The following ENTHD1 variants were observed in gnomAD, a reference collection of about 807,000 sequenced individuals.
The protein encoded by ENTHD1 is ENTH domain-containing protein 1.
In ENTHD1, 23 loss-of-function variants were observed where a neutral mutation model predicts 39.1. The observed-to-expected ratio is 0.59, with a 90% confidence interval of 0.42 to 0.83. ENTHD1 has a LOEUF of 0.83. Among genes scored for constraint, ENTHD1 ranks in the 40% least tolerant of loss-of-function variants. ENTHD1 has a pLI of 0.00. For missense variants in ENTHD1, 624 were observed against 705.4 expected (o/e 0.88, Z 1.31); for synonymous variants, 230 against 258.2 (o/e 0.89, Z 1.05).
chr22:39,797,164 T>C (rs2065557378), intron 5 of ENTHD1, among the ~76,000 whole-genome samples: 1 of 152,228 alleles, frequency 6.6e-6, no homozygotes, highest in Non-Finnish European at 1.5e-5. Flanking sequence ...TTTCATCTGA[T>C]ATTAGTATAG....
chr22:39,869,968 A>T (rs1336859115), intron 2 of ENTHD1, among the ~76,000 whole-genome samples: 1 of 150,588 alleles, frequency 6.6e-6, no homozygotes, highest in Non-Finnish European at 1.5e-5. Flanking sequence ...TAGATTTGGT[A>T]ATTGGAGAAC....
At chr22:39,878,357 T>C (rs1461892011) in intron 2 of ENTHD1, among the ~76,000 whole-genome samples, 6 of 151,988 alleles carry the variant, frequency 3.9e-5, no homozygotes, top group Admixed American at 3.9e-4. Context: ...TAATGGAAAT[T>C]AACAAAGAAG....
chr22:39,827,355 AG>A (rs1484178961), intron 4 of ENTHD1, among the ~76,000 whole-genome samples: 1 of 152,154 alleles, frequency 6.6e-6, no homozygotes, highest in South Asian at 2.1e-4. Context: ...CATTTAATAA[AG>A]ATTTTATAAA....
chr22:39,870,673 C>T (rs2066234821), intron 2 of ENTHD1, among the ~76,000 whole-genome samples: 1 of 152,198 alleles, frequency 6.6e-6, no homozygotes, highest in Admixed American at 6.5e-5. Context: ...ATTCAGTCGG[C>T]CCATCAGCCA....
At chr22:39,855,995 C>T (rs541366564) in intron 3 of ENTHD1, among the ~76,000 whole-genome samples, 49 of 152,202 alleles carry the variant, frequency 3.2e-4, no homozygotes, top group Non-Finnish European at 1.3e-4. Flanking sequence ...CCCTCGTGGC[C>T]GGGCGCGGTG....
chr22:39,767,923 C>T (rs762469222), intron 5 of ENTHD1, among the ~76,000 whole-genome samples: 1 of 152,128 alleles, frequency 6.6e-6, no homozygotes, highest in Admixed American at 6.6e-5. Flanking sequence ...CCCAATAGCC[C>T]GGGAAGAATA....
Position 39,867,726 on chromosome 22 carries a change from T to C in ENTHD1, c.350-5719A>G, listed in dbSNP as rs936985652. Among the ~76,000 whole-genome samples, 11 of 152,010 alleles carry C rather than the reference T, an allele frequency of 7.2e-5. No homozygotes were observed. Among genetic ancestry groups the C allele is most frequent in the South Asian group, 2.1e-4 (1 of 4,816 alleles). Reference sequence around the variant, plus strand: ...AGTTTCCAGGATAGAAAACCTTCAGTTGGTTGCAGTGAGCCGAGATCGCGC... The same window carrying C: ...AGTTTCCAGGATAGAAAACCTTCAGCTGGTTGCAGTGAGCCGAGATCGCGC... On this transcript the variant is annotated intron_variant, in intron 2 of 6. Coordinates refer to ENST00000325157, the MANE Select transcript of ENTHD1 (RefSeq NM_152512.4). The surrounding 1 kb of genome is among the most constrained non-coding windows in gnomAD (Gnocchi z 4.5).
At chr22:39,752,770 A>G (rs1341443186) in intron 6 of ENTHD1, among the ~76,000 whole-genome samples, 1 of 152,232 alleles carries the variant, frequency 6.6e-6, no homozygotes, top group Non-Finnish European at 1.5e-5. Context: ...AGCAGGCAGG[A>G]GATGTATACT....
intron 2 of ENTHD1, chr22:39,876,217 A>G (rs2066288403): frequency 7.1e-6 from 9 of 1,264,186 alleles, no homozygotes; most frequent in African/African-American, 1.5e-5. Context: ...TGAAATATGT[A>G]AGAATTGATG....
chr22:39,829,373 C>T (rs1450936533), intron 4 of ENTHD1, among the ~76,000 whole-genome samples: 1 of 140,356 alleles, frequency 7.1e-6, no homozygotes, highest in African/African-American at 2.7e-5. Flanking sequence ...GATTTAAAGA[C>T]AGATACAAAA....
intron 1 of ENTHD1, among the ~76,000 whole-genome samples, chr22:39,892,835 A>G (rs904859600): frequency 6.6e-6 from 1 of 152,226 alleles, no homozygotes; most frequent in African/African-American, 2.4e-5. Context: ...CAAGAATGCT[A>G]CGGGAAAATG....
In ENTHD1 at chr22:39,760,213, A is replaced by G. The variant is rs958841638; in HGVS notation, c.1219+5010T>C. Among the ~76,000 whole-genome samples, 6 of 152,058 alleles carry G rather than the reference A, an allele frequency of 3.9e-5. No homozygotes were observed. In the South Asian group the frequency reaches 6.2e-4, roughly 16 times the overall value. ...TGGATTTTTATGCCTAGTTCTATCA[A>G]TTGCTGAGAATAATAAAATCTCAAA... On this transcript the variant is annotated intron_variant, in intron 6 of 6. Transcript: ENST00000325157.
intron 3 of ENTHD1, among the ~76,000 whole-genome samples, chr22:39,861,507 T>TAGGAGACA (rs2066139567): frequency 6.6e-6 from 1 of 151,444 alleles, no homozygotes; most frequent in Admixed American, 6.6e-5. Flanking sequence ...GCCACTACAC[T>TAGGAGACA]CCAGCCTAGG....
At chr22:39,812,530 G>T (rs944572081) in intron 5 of ENTHD1, among the ~76,000 whole-genome samples, 1 of 152,158 alleles carries the variant, frequency 6.6e-6, no homozygotes, top group South Asian at 2.1e-4. Context: ...AATCAGGTGG[G>T]AAAAATGCTC....
At position 39,756,395 on chromosome 22, in the gene ENTHD1, C is replaced by T. The variant is rs139363340; in HGVS notation, c.1219+8828G>A. Reference sequence around the variant, plus strand: ...TGTCACCCAGGATGGAGTGTAGTGGCGTGATCTGGGCTCACTGCAACCTCC... The same window carrying T: ...TGTCACCCAGGATGGAGTGTAGTGGTGTGATCTGGGCTCACTGCAACCTCC... On this transcript the variant is annotated intron_variant, in intron 6 of 6. Transcript: ENST00000325157. Among the ~76,000 whole-genome samples, 7 of 151,702 alleles carry T rather than the reference C, an allele frequency of 4.6e-5. No homozygotes were observed. In the East Asian group the frequency reaches 1.2e-3, roughly 25 times the overall value.
chr22:39,840,615 T>C (rs889036083), intron 3 of ENTHD1, among the ~76,000 whole-genome samples: 1 of 152,210 alleles, frequency 6.6e-6, no homozygotes, highest in Admixed American at 6.5e-5. Flanking sequence ...TATTGCATTA[T>C]AGAAAATATT....
At chr22:39,747,513 A>G (rs1416801646) in intron 6 of ENTHD1, among the ~76,000 whole-genome samples, 4 of 152,142 alleles carry the variant, frequency 2.6e-5, no homozygotes, top group African/African-American at 9.7e-5. Context: ...CATTAGAATT[A>G]TTTTTACTGT....
Position 39,743,645 on chromosome 22 carries a change from A to G in ENTHD1, c.*34T>C, listed in dbSNP as rs969182999. ...ACGTAAGTCTTGGGGAAGTGGAACC[A>G]CACGAGTTCTATCAAAAATAGATAT... On this transcript the variant is annotated 3_prime_UTR_variant, in exon 7 of 7. Coordinates refer to ENST00000325157, the MANE Select transcript of ENTHD1 (RefSeq NM_152512.4). 9.8e-6 allele frequency: 15 copies of G among 1,535,460 alleles called. No individual in the cohort carries two copies. Among genetic ancestry groups the G allele is most frequent in the Non-Finnish European group, 1.3e-5 (15 of 1,143,576 alleles).
At chr22:39,810,876 A>T (rs922044060) in intron 5 of ENTHD1, among the ~76,000 whole-genome samples, 6 of 152,214 alleles carry the variant, frequency 3.9e-5, no homozygotes, top group African/African-American at 1.4e-4. Flanking sequence ...GGACAACAGT[A>T]TACTGTCTTT....
Sources: allele counts gnomAD v4.1 joint callset (sites outside exome capture counted in the v4.1 genomes callset), GRCh38; gene constraint gnomAD v4.1.1; non-coding constraint Gnocchi (gnomAD v3.1); transcripts MANE v1.5; gene names NCBI Gene and HGNC (gene_info 2026-07-23, HGNC 2026-07-21).